The following PIP4K2A variants were observed in gnomAD, a reference collection of about 807,000 sequenced individuals.
The protein encoded by PIP4K2A is phosphatidylinositol-5-phosphate 4-kinase type 2 alpha, also known as phosphatidylinositol 5-phosphate 4-kinase type-2 alpha.
A neutral mutation model predicts 42.9 loss-of-function variants in PIP4K2A; 14 were observed. The observed-to-expected ratio is 0.33, with a 90% confidence interval of 0.22 to 0.51. The LOEUF is 0.51. Among genes scored for constraint, PIP4K2A ranks in the 20% least tolerant of loss-of-function variants. The pLI is 0.97. For synonymous variants in PIP4K2A, 192 were observed against 192.2 expected, an observed-to-expected ratio of 1.00 and a Z score of 0.01; for missense variants, 434 against 519.8, an observed-to-expected ratio of 0.83 and a Z score of 1.61.
At chr10:22,592,712 C>A (rs1258060307) in intron 3 of PIP4K2A, among the ~76,000 whole-genome samples, 1 of 152,206 alleles carries the variant, frequency 6.6e-6, no homozygotes, top group Non-Finnish European at 1.5e-5. Flanking sequence ...GAAGCCTCCT[C>A]CTTGCCCCAA....
chr10:22,668,113 A>G (rs1839384926), intron 1 of PIP4K2A, among the ~76,000 whole-genome samples: 1 of 151,882 alleles, frequency 6.6e-6, no homozygotes, highest in African/African-American at 2.4e-5. Context: ...TACCAATCCC[A>G]GCTGATTTTT....
intron 1 of PIP4K2A, among the ~76,000 whole-genome samples, chr10:22,675,081 G>A (rs915608368): frequency 2.0e-5 from 3 of 152,302 alleles, no homozygotes; most frequent in Admixed American, 6.5e-5. Context: ...GCACAGCTCA[G>A]AACAGTCATC....
intron 3 of PIP4K2A, among the ~76,000 whole-genome samples, chr10:22,602,636 G>A (rs767013478): frequency 3.5e-4 from 53 of 151,862 alleles, no homozygotes; most frequent in Admixed American, 1.2e-3. Context: ...CCTGCCTTCC[G>A]CTTGGGCCCA....
intron 1 of PIP4K2A, among the ~76,000 whole-genome samples, chr10:22,615,583 AAC>A (rs377667843): frequency 1.8e-4 from 27 of 152,358 alleles, no homozygotes; most frequent in African/African-American, 6.0e-4. Context: ...GTGAAATCCA[AAC>A]AGTTTTTAAT....
At chr10:22,645,942 G>T (rs766286752) in intron 1 of PIP4K2A, among the ~76,000 whole-genome samples, 6 of 152,086 alleles carry the variant, frequency 3.9e-5, no homozygotes, top group Non-Finnish European at 8.8e-5. Context: ...GGCTGGTCTG[G>T]AACTCCTGGG....
intron 1 of PIP4K2A, among the ~76,000 whole-genome samples, chr10:22,708,852 G>A (rs1833863950): frequency 6.6e-6 from 1 of 152,172 alleles, no homozygotes; most frequent in Non-Finnish European, 1.5e-5. Context: ...GTACAACCAT[G>A]GCTCCCTGCA....
intron 1 of PIP4K2A, among the ~76,000 whole-genome samples, chr10:22,690,327 A>G (rs989024921): frequency 1.3e-5 from 2 of 152,342 alleles, no homozygotes; most frequent in South Asian, 2.1e-4. Flanking sequence ...TCCAGCCAGT[A>G]GGCTCCTAAA....
intron 1 of PIP4K2A, among the ~76,000 whole-genome samples, chr10:22,617,133 T>C (rs1157650027): frequency 6.6e-6 from 1 of 152,212 alleles, no homozygotes; most frequent in Non-Finnish European, 1.5e-5. Flanking sequence ...ACATGCAAGT[T>C]CCCTCCAACA....
In PIP4K2A at chr10:22,537,109, G is replaced by A. The variant is rs998181316; in HGVS notation, c.*92C>T. 1.2e-5 allele frequency: 11 copies of A among 911,872 alleles called. No individual in the cohort carries two copies. The highest frequency in any genetic ancestry group is 1.7e-5 in the Non-Finnish European group (10 of 579,370). The allele number at this position is 911,872 out of a possible 1,614,324, so 56.5% of individuals were successfully genotyped here. On this transcript the variant is annotated 3_prime_UTR_variant, in exon 10 of 10. Coordinates refer to ENST00000376573, the MANE Select transcript of PIP4K2A (RefSeq NM_005028.5). ...CAAGGAGGTTTGCTTCCTGCAAGATGAGTACTTCACTGAGTTTGGTTTTCA... is the reference window on the plus strand; with the variant it reads ...CAAGGAGGTTTGCTTCCTGCAAGATAAGTACTTCACTGAGTTTGGTTTTCA...
chr10:22,695,748 A>G (rs1421615025), intron 1 of PIP4K2A, among the ~76,000 whole-genome samples: 1 of 152,088 alleles, frequency 6.6e-6, no homozygotes, highest in Non-Finnish European at 1.5e-5. Flanking sequence ...CATATACTCT[A>G]TATCATCTCT....
At chr10:22,583,437 G>A (rs935213422) in intron 4 of PIP4K2A, among the ~76,000 whole-genome samples, 1 of 152,184 alleles carries the variant, frequency 6.6e-6, no homozygotes, top group African/African-American at 2.4e-5. Context: ...GTGCACCGGA[G>A]AGCAGGTGTG....
chr10:22,691,803 T>G (rs1307814221), intron 1 of PIP4K2A: 1 of 152,176 alleles, frequency 6.6e-6, no homozygotes, highest in Non-Finnish European at 1.5e-5. Flanking sequence ...TAAGCCTTCT[T>G]AAAAATATGT....
chr10:22,591,414 C>A (rs188425499), intron 4 of PIP4K2A, among the ~76,000 whole-genome samples: 3 of 152,328 alleles, frequency 2.0e-5, no homozygotes, highest in Admixed American at 1.3e-4. Flanking sequence ...AAGTGTTATA[C>A]AAATAATGAA....
At chr10:22,581,392 T>C (rs1438401965) in intron 4 of PIP4K2A, among the ~76,000 whole-genome samples, 3 of 152,166 alleles carry the variant, frequency 2.0e-5, no homozygotes, top group African/African-American at 7.2e-5. Flanking sequence ...TATATGTAGC[T>C]AAGTCAATCA....
At chr10:22,643,146 CCAACT>C (rs1191620446) in intron 1 of PIP4K2A, among the ~76,000 whole-genome samples, 1 of 152,068 alleles carries the variant, frequency 6.6e-6, no homozygotes, top group African/African-American at 2.4e-5. Context: ...TCCAGTTTTC[CCAACT>C]CCAAGTCTCG....
Position 22,604,014 on chromosome 10 carries a change from C to T in PIP4K2A, c.339+3913G>A, listed in dbSNP as rs1158784631. 7.5e-5 allele frequency among the ~76,000 whole-genome samples: 9 copies of T among 119,306 alleles called. No individual in the cohort carries two copies. In the South Asian group the frequency reaches 2.0e-3, roughly 27 times the overall value. 78.3% of individuals were successfully genotyped at this position (119,306 alleles called of 152,430 possible). Reference sequence around the variant, plus strand: ...GCGAGCACACACGCGCGCACGCACACACACACACACACACACACACACAGA... The same window carrying T: ...GCGAGCACACACGCGCGCACGCACATACACACACACACACACACACACAGA... On this transcript the variant is annotated intron_variant, in intron 3 of 9. Transcript: ENST00000376573.
intron 7 of PIP4K2A, among the ~76,000 whole-genome samples, chr10:22,548,206 C>A (rs533918330): frequency 6.6e-6 from 1 of 152,294 alleles, no homozygotes; most frequent in Admixed American, 6.5e-5. Flanking sequence ...ACTAAAGACA[C>A]TGTTATCAGC....
Position 22,536,278 on chromosome 10 carries a change from A to G in PIP4K2A, c.*923T>C, listed in dbSNP as rs1373930487. 1.8e-5 allele frequency: 7 copies of G among 396,280 alleles called. No individual in the cohort carries two copies. The highest frequency in any genetic ancestry group is 2.7e-5 in the Non-Finnish European group (6 of 225,128). 24.5% of individuals were successfully genotyped at this position (396,280 alleles called of 1,614,324 possible). On this transcript the variant is annotated 3_prime_UTR_variant, in exon 10 of 10. Transcript: ENST00000376573. The stretch of plus-strand genomic sequence containing the variant: ...TGGGAGATGTAGATACCATTGCCCC[A>G]AACTATGCACTTTTCAGGTAAGCTT...
chr10:22,612,448 C>T (rs1214090226), intron 1 of PIP4K2A, among the ~76,000 whole-genome samples: 2 of 152,112 alleles, frequency 1.3e-5, no homozygotes, highest in African/African-American at 4.8e-5. Flanking sequence ...AAGGCGAGTC[C>T]TAGAGAGGAG....
Sources: gnomAD v4.1 joint callset for allele counts (sites outside exome capture counted in the v4.1 genomes callset) on GRCh38, gnomAD v4.1.1 for gene constraint, MANE v1.5 for transcripts, NCBI Gene and HGNC (gene_info 2026-07-23, HGNC 2026-07-21) for gene names.